Variants in GFRA2 observed in about 807,000 individuals in gnomAD.
The protein encoded by GFRA2 is GDNF family receptor alpha 2.
In GFRA2, 17 loss-of-function variants were observed where a neutral mutation model predicts 48.3. The ratio of observed to expected loss-of-function variants is 0.35; its 90% confidence interval spans 0.24 to 0.53. GFRA2 has a LOEUF of 0.53. GFRA2 is among the 20% of genes least tolerant of loss of function. The pLI is 0.93. For missense variants in GFRA2, 660 were observed against 637.3 expected (o/e 1.04, Z -0.38); for synonymous variants, 305 against 257.2 (o/e 1.19, Z -1.78).
intron 4 of GFRA2, among the ~76,000 whole-genome samples, chr8:21,717,344 A>G (rs1032078384): frequency 2.0e-5 from 3 of 152,230 alleles, no homozygotes; most frequent in Non-Finnish European, 2.9e-5. Context: ...AGATCGTGTC[A>G]ATGTATGAAA....
chr8:21,705,109 A>C lies in GFRA2; in HGVS notation c.921T>G (p.Pro307=). ...YAGMIGFDMT[P]NYVDSSPTGI... ...CAGTGGGGCTGGAGTCCACATAGTT[A>C]GGTGTCATGTCAAACCCTGGGCAGG... Residue 307 remains proline, a synonymous_variant, in exon 6 of 9, where the codon CCT becomes CCG. Transcript: ENST00000524240. 1 of 1,610,932 alleles carries C rather than the reference A, an allele frequency of 6.2e-7. No individual in the cohort carries two copies. Among genetic ancestry groups the C allele is most frequent in the Non-Finnish European group, 8.5e-7 (1 of 1,179,130 alleles).
chr8:21,792,968 G>T (rs1157119035), upstream of GFRA2, among the ~76,000 whole-genome samples: 1 of 152,232 alleles, frequency 6.6e-6, no homozygotes, highest in Non-Finnish European at 1.5e-5. Context: ...TCGAGTGCCT[G>T]AGGCAGGAGA....
At chr8:21,790,668 G>A (rs1422894590), upstream of GFRA2, among the ~76,000 whole-genome samples, 3 of 152,148 alleles carry the variant, frequency 2.0e-5, no homozygotes, top group Non-Finnish European at 2.9e-5. Flanking sequence ...TGCCTGCTTC[G>A]AGCCTAGGCC....
chr8:21,802,873 C>T (rs1420874330), intron 2 of GFRA2, among the ~76,000 whole-genome samples: 1 of 152,184 alleles, frequency 6.6e-6, no homozygotes, highest in Non-Finnish European at 1.5e-5. Flanking sequence ...CCAGGAGGTA[C>T]TTCCATATAC....
chr8:21,763,233 A>C (rs960041895), intron 3 of GFRA2, among the ~76,000 whole-genome samples: 1 of 152,218 alleles, frequency 6.6e-6, no homozygotes, highest in Non-Finnish European at 1.5e-5. Context: ...AAATCAATGC[A>C]TTTTGTAAAA....
chr8:21,742,243 T>C (rs1304608050), intron 4 of GFRA2, among the ~76,000 whole-genome samples: 1 of 152,116 alleles, frequency 6.6e-6, no homozygotes, highest in African/African-American at 2.4e-5. Flanking sequence ...TGGGAGGTGA[T>C]TAGGGTTAGA....
intron 4 of GFRA2, among the ~76,000 whole-genome samples, chr8:21,735,506 C>T (rs1804411540): frequency 6.6e-6 from 1 of 152,172 alleles, no homozygotes; most frequent in Non-Finnish European, 1.5e-5. Flanking sequence ...TGGTCCAGAG[C>T]ACAGAGAGCC....
At chr8:21,734,876 A>T (rs1427177470) in intron 4 of GFRA2, among the ~76,000 whole-genome samples, 1 of 152,192 alleles carries the variant, frequency 6.6e-6, no homozygotes, top group Non-Finnish European at 1.5e-5. Flanking sequence ...TAAAGGGAAA[A>T]TTCAAGCTGG....
chr8:21,707,464 C>A (rs1366095400), intron 4 of GFRA2, among the ~76,000 whole-genome samples: 1 of 152,314 alleles, frequency 6.6e-6, no homozygotes, highest in African/African-American at 2.4e-5. Context: ...CCCCACCATG[C>A]AGACACGGGC....
At chr8:21,806,847 C>G (rs1295818306) in intron 1 of GFRA2, among the ~76,000 whole-genome samples, 1 of 152,162 alleles carries the variant, frequency 6.6e-6, no homozygotes, top group African/African-American at 2.4e-5. Flanking sequence ...AGAGGGGCAC[C>G]TGTTCTCAAA....
upstream of GFRA2, among the ~76,000 whole-genome samples, chr8:21,792,113 C>T (rs1349530459): frequency 6.6e-6 from 1 of 152,194 alleles, no homozygotes; most frequent in African/African-American, 2.4e-5. Flanking sequence ...CCTTCCATTC[C>T]TTCCCTTTCT....
upstream of GFRA2, among the ~76,000 whole-genome samples, chr8:21,790,346 C>A (rs1261043280): frequency 6.6e-6 from 1 of 152,238 alleles, no homozygotes; most frequent in Non-Finnish European, 1.5e-5. Context: ...CTGCCCAAAA[C>A]AATCTGGGCT....
chr8:21,723,318 C>T (rs879777670), intron 4 of GFRA2, among the ~76,000 whole-genome samples: 22 of 152,156 alleles, frequency 1.4e-4, no homozygotes, highest in Non-Finnish European at 2.9e-4. Context: ...TCTCTCTCAC[C>T]ACCCTTCAGG....
chr8:21,766,678 T>G (rs989364642), intron 3 of GFRA2, among the ~76,000 whole-genome samples: 23 of 114,774 alleles, frequency 2.0e-4, no homozygotes, highest in Admixed American at 4.6e-4. Flanking sequence ...AACAGGGGCC[T>G]GGGGGGTCAT....
intron 7 of GFRA2, among the ~76,000 whole-genome samples, chr8:21,701,248 G>C (rs918617472): frequency 6.6e-6 from 1 of 152,180 alleles, no homozygotes; most frequent in Non-Finnish European, 1.5e-5. Context: ...AAAAATATTA[G>C]CTGGGCATGT....
intron 4 of GFRA2, among the ~76,000 whole-genome samples, chr8:21,723,814 C>G (rs1190846246): frequency 6.6e-6 from 1 of 152,202 alleles, no homozygotes; most frequent in African/African-American, 2.4e-5. Context: ...TCCTGCAGAA[C>G]AAACTCCAGT....
intron 2 of GFRA2, among the ~76,000 whole-genome samples, chr8:21,804,024 A>G (rs1807814808): frequency 6.6e-6 from 1 of 152,236 alleles, no homozygotes; most frequent in South Asian, 2.1e-4. Context: ...CCCATTTGAT[A>G]TATGAAGATA....
At chr8:21,797,228 A>G (rs1057003337) in intron 2 of GFRA2, among the ~76,000 whole-genome samples, 4 of 151,150 alleles carry the variant, frequency 2.6e-5, no homozygotes, top group Non-Finnish European at 5.9e-5. Context: ...GCTGCATTCT[A>G]CATCACAGAT....
At chr8:21,754,769 A>G (rs1805487247) in intron 3 of GFRA2, among the ~76,000 whole-genome samples, 1 of 152,128 alleles carries the variant, frequency 6.6e-6, no homozygotes, top group East Asian at 1.9e-4. Context: ...TCGGCCTCCA[A>G]AAGTGCTGGG....
Sources: allele counts gnomAD v4.1 joint callset (sites outside exome capture counted in the v4.1 genomes callset), GRCh38; gene constraint gnomAD v4.1.1; transcripts MANE v1.5; gene names NCBI Gene and HGNC (gene_info 2026-07-23, HGNC 2026-07-21).